The following DOP1B variants were observed in gnomAD, a reference collection of about 807,000 sequenced individuals.
DOP1B encodes the protein protein DOP1B.
In DOP1B, 174 loss-of-function variants were observed where a neutral mutation model predicts 233.5. The ratio of observed to expected loss-of-function variants is 0.75; its 90% CI spans 0.66 to 0.85. The LOEUF (loss-of-function observed/expected upper bound fraction) is 0.85. Ranked by LOEUF, DOP1B falls within the 40% of genes least tolerant of loss-of-function variation. The pLI, the probability that DOP1B is intolerant of heterozygous loss-of-function variation, is 0.00. For missense variants in DOP1B, 2,652 were observed against 2,846.6 expected (o/e 0.93, Z 1.56); for synonymous variants, 1,190 against 1,185.6 (o/e 1.00, Z -0.08).
intron 10 of DOP1B, 90 bp downstream of exon 10, chr21:36,219,582 A>C: frequency 6.5e-7 from 1 of 1,545,992 alleles, no homozygotes. Context: ...TAAATTGTGA[A>C]GTGGTAGAGA....
Position 36,200,479 on chromosome 21 carries a change from G to A in DOP1B, c.469G>A (p.Glu157Lys). Residue 157 changes from glutamate to lysine, a missense_variant, in exon 4 of 37, where the codon GAG (glutamate) becomes AAG (lysine). Physicochemically the swap from Glu to Lys is moderately conservative, Grantham distance 56. This residue lies in a region of DOP1B where 2,617 missense variants were observed against 2,794.3 expected (regional missense o/e 0.94). Coordinates refer to ENST00000691173, the MANE Select transcript of DOP1B (RefSeq NM_001320714.2). Reference protein sequence around the residue: ...FIVGLLPGLEEGSEISDRTDA... With the variant: ...FIVGLLPGLEKGSEISDRTDA... ...CGTGGGCCTGCTGCCCGGCCTTGAA[G>A]AGGGCTCCGAGATCTCCGACAGGTG... is the stretch of plus-strand genomic sequence containing the variant. The A allele has an allele frequency of 6.2e-7, 1 of 1,610,450 alleles. No individual in the cohort carries two copies. Among genetic ancestry groups the A allele is most frequent in the Non-Finnish European group, 8.5e-7 (1 of 1,179,160 alleles).
At position 36,263,937 on chromosome 21, in the gene DOP1B, T is replaced by C. The variant is rs2067204416; in HGVS notation, c.5487+123T>C. 5 of 999,702 alleles carry C rather than the reference T, an allele frequency of 5.0e-6. No individual in the cohort carries two copies. In the Admixed American group the frequency reaches 8.6e-5, roughly 17 times the overall value. The allele number at this position is 999,702 out of a possible 1,614,324, so 61.9% of individuals were successfully genotyped here. A position where few individuals can be genotyped will look rare whatever the true frequency, so the allele number is the denominator to read the frequency against. Reference sequence around the variant, plus strand: ...CAGAATCTGAGGTTAGCTTTGCACTTGTTCTCAAGTCTTACTTCTGCCATC... The same window carrying C: ...CAGAATCTGAGGTTAGCTTTGCACTCGTTCTCAAGTCTTACTTCTGCCATC... On this transcript the variant is annotated intron_variant, in intron 26 of 36. Coordinates refer to ENST00000691173, the MANE Select transcript of DOP1B (RefSeq NM_001320714.2).
intron 1 of DOP1B, among the ~76,000 whole-genome samples, chr21:36,159,656 C>G (rs1301241698): frequency 6.6e-6 from 1 of 152,198 alleles, no homozygotes; most frequent in Non-Finnish European, 1.5e-5. Flanking sequence ...CTGAACTGCT[C>G]CAGCTACTGC....
rs887333266 is a variant in DOP1B, at chr21:36,209,812, C to T, written c.681+908C>T. 2.6e-5 allele frequency among the ~76,000 whole-genome samples: 4 copies of T among 152,270 alleles called. No homozygotes were observed. The South Asian group carries it at 6.2e-4, about 24-fold the overall frequency. ...TGTGCTTTTGTGTCTTGCTGTCTTTCGCCACCTGGTGGTGTTCCCACACTT... is the reference window on the plus strand; with the variant it reads ...TGTGCTTTTGTGTCTTGCTGTCTTTTGCCACCTGGTGGTGTTCCCACACTT... On this transcript the variant is annotated intron_variant, in intron 5 of 36. Transcript: ENST00000691173.
At chr21:36,268,112 A>G (rs1301080605) in intron 26 of DOP1B, among the ~76,000 whole-genome samples, 3 of 152,102 alleles carry the variant, frequency 2.0e-5, no homozygotes, top group African/African-American at 7.2e-5. Context: ...ACCAGGATGG[A>G]GTTTTTCCCC....
chr21:36,282,761 AG>A (rs1443135474), intron 32 of DOP1B, among the ~76,000 whole-genome samples: 2 of 152,044 alleles, frequency 1.3e-5, no homozygotes, highest in African/African-American at 4.8e-5. Context: ...GGATCTCTTG[AG>A]GTCAGGAGTT....
At chr21:36,236,943 C>T (rs372156284) in intron 15 of DOP1B, among the ~76,000 whole-genome samples, 79 of 151,964 alleles carry the variant, frequency 5.2e-4, no homozygotes, top group African/African-American at 1.8e-3. Flanking sequence ...CGCCGCCACA[C>T]CTGGCTAATT....
intron 30 of DOP1B, among the ~76,000 whole-genome samples, chr21:36,279,572 C>T (rs769403227): frequency 2.6e-5 from 4 of 152,212 alleles, no homozygotes; most frequent in Admixed American, 2.6e-4. Flanking sequence ...TGGCCTCCCT[C>T]CACGTGATCT....
chr21:36,182,420 C>G (rs2066110352), intron 2 of DOP1B, among the ~76,000 whole-genome samples: 2 of 152,188 alleles, frequency 1.3e-5, no homozygotes, highest in Non-Finnish European at 1.5e-5. Flanking sequence ...GGCACATGAC[C>G]TGCTCTAGCC....
At position 36,200,511 on chromosome 21, in the gene DOP1B, C is replaced by CA. The variant is rs1569016602; in HGVS notation, c.491+10_491+11insA. 3.1e-6 allele frequency: 5 copies of CA among 1,597,838 alleles called. No individual in the cohort carries two copies. Among genetic ancestry groups the CA allele is most frequent in the Middle Eastern group, 1.7e-4 (1 of 5,976 alleles). On this transcript the variant is annotated intron_variant, in intron 4 of 36. Coordinates refer to ENST00000691173, the MANE Select transcript of DOP1B (RefSeq NM_001320714.2). ...CCGAGATCTCCGACAGGTGCGTGGGCGTCTTGTCCAGGCTGTGTTTACTCC... is the reference window on the plus strand; with the variant it reads ...CCGAGATCTCCGACAGGTGCGTGGGCAGTCTTGTCCAGGCTGTGTTTACTCC...
intron 3 of DOP1B, among the ~76,000 whole-genome samples, 153 bp from the exon 4 acceptor site, chr21:36,200,173 GTGTTT>G (rs2123471189): frequency 6.6e-6 from 1 of 152,300 alleles, no homozygotes; most frequent in South Asian, 2.1e-4. Context: ...TTACGTAACA[GTGTTT>G]TGTGACCATC....
At chr21:36,289,408 A>T (rs1403358562) in intron 35 of DOP1B, among the ~76,000 whole-genome samples, 1 of 146,968 alleles carries the variant, frequency 6.8e-6, no homozygotes, top group Non-Finnish European at 1.5e-5. Context: ...AGGAGTGTTT[A>T]TGAATGTGTT....
chr21:36,219,330 G>A (rs922102158), intron 9 of DOP1B, 42 bp from the exon 10 acceptor site: 2 of 1,612,852 alleles, frequency 1.2e-6, no homozygotes, highest in Non-Finnish European at 1.7e-6. Flanking sequence ...GATTTAAAGG[G>A]GATTGTTAAT....
Position 36,245,456 on chromosome 21 carries a change from C to CT in DOP1B, c.3476_3477insT (p.Ala1160GlyfsTer31). ...GGGGGCAGGGCGTACCCCAAGCGCT[C>CT]GGCCCTGCTGGCGGCCTTCCAGTCA... On this transcript the variant is annotated frameshift_variant, in exon 19 of 37. Coordinates refer to ENST00000691173, the MANE Select transcript of DOP1B (RefSeq NM_001320714.2). LOFTEE classifies it high-confidence loss of function. The surrounding 1 kb of genome is among the most constrained non-coding windows in gnomAD (Gnocchi z 5.5). 1 of 1,613,906 alleles carries CT rather than the reference C, an allele frequency of 6.2e-7. No homozygotes were observed. Among genetic ancestry groups the CT allele is most frequent in the Middle Eastern group, 1.6e-4 (1 of 6,062 alleles).
rs778005174 is a variant in DOP1B, at chr21:36,237,370, A to G, written c.2731A>G (p.Ile911Val). 50 of 1,614,064 alleles carry G rather than the reference A, an allele frequency of 3.1e-5. No homozygotes were observed. Among genetic ancestry groups the G allele is most frequent in the Non-Finnish European group, 3.9e-5 (46 of 1,180,042 alleles). Residue 911 changes from isoleucine to valine, a missense_variant, in exon 16 of 37, where the codon ATC (isoleucine) becomes GTC (valine). Coordinates refer to ENST00000691173, the MANE Select transcript of DOP1B (RefSeq NM_001320714.2). ...RLHCLAPTAN[I>V]CEDIICHALL... ...GCACTGCCTGGCCCCTACGGCCAAC[A>G]TCTGCGAGGACATCATCTGCCATGC...
chr21:36,261,322 A>G, intron 24 of DOP1B: 1 of 977,568 alleles, frequency 1.0e-6, no homozygotes, highest in Non-Finnish European at 1.2e-6. Flanking sequence ...CCAAGACCTC[A>G]CCACTGCTCT....
Position 36,293,335 on chromosome 21 carries a change from G to A in DOP1B, c.6661G>A (p.Asp2221Asn), listed in dbSNP as rs543343307. ...TTTTCTGCAGGAAATCAGTAGCTCT[G>A]ATGAGATCACCATGAAGAGTGAATT... ...KLKFGEISSS[D>N]EITMKSEFPL... The change falls in exon 37 of 37, where the codon GAT becomes AAT. Residue 2221 changes from aspartate to asparagine, a missense_variant. By Grantham distance (23) the Asp-to-Asn change is conservative (BLOSUM62 1). This residue lies in a region of DOP1B where 2,617 missense variants were observed against 2,794.3 expected (regional missense o/e 0.94). Coordinates refer to ENST00000691173, the MANE Select transcript of DOP1B (RefSeq NM_001320714.2). The A allele has an allele frequency of 3.3e-4, 536 of 1,614,050 alleles. 4 individuals are homozygous for A. The South Asian group carries it at 5.5e-3, about 17-fold the overall frequency.
At chr21:36,200,068 TC>T (rs1185334105) in intron 3 of DOP1B, among the ~76,000 whole-genome samples, 1 of 152,218 alleles carries the variant, frequency 6.6e-6, no homozygotes, top group Non-Finnish European at 1.5e-5. Context: ...GTGAAAGTGT[TC>T]CTATTTCTCC....
At chr21:36,260,886 G>C in intron 24 of DOP1B, 154 bp downstream of exon 24, 5 of 1,463,956 alleles carry the variant, frequency 3.4e-6, no homozygotes, top group Non-Finnish European at 4.5e-6. Flanking sequence ...CCAAGGTATT[G>C]ATCTATGCTT....
Sources: gnomAD v4.1 joint callset for allele counts (sites outside exome capture counted in the v4.1 genomes callset) on GRCh38, gnomAD v4.1.1 for gene constraint, gnomAD v4.1.1 regional missense constraint, Gnocchi (gnomAD v3.1) non-coding constraint, MANE v1.5 for transcripts, NCBI Gene and HGNC (gene_info 2026-07-23, HGNC 2026-07-21) for gene names.